Variants in ZNF346 observed in about 807,000 individuals in gnomAD.
ZNF346 encodes zinc finger protein 346, also known as double-stranded RNA-binding zinc finger protein JAZ.
In ZNF346, 23 loss-of-function variants were observed where a neutral mutation model predicts 33.7. The observed-to-expected ratio is 0.68, with a 90% CI of 0.49 to 0.97. ZNF346 has a LOEUF of 0.97. Among genes scored for constraint, ZNF346 ranks in the 50% least tolerant of loss-of-function variants. The pLI is 0.00. For synonymous variants in ZNF346, 134 were observed against 142.4 expected (o/e 0.94, Z 0.42); for missense variants, 340 against 371.1 (o/e 0.92, Z 0.69).
In ZNF346 at chr5:177,066,094, G is replaced by C. The variant is rs1286225030; in HGVS notation, c.*1495G>C. On this transcript the variant is annotated 3_prime_UTR_variant, in exon 7 of 7. Transcript: ENST00000358149. ...GTCCCCAGTAGTCACTTTAGGAGTTGGGACAGAGTCGAGCACCCTGTGAAA... is the reference window on the plus strand; with the variant it reads ...GTCCCCAGTAGTCACTTTAGGAGTTCGGACAGAGTCGAGCACCCTGTGAAA... 6.7e-6 allele frequency: 1 copy of C among 148,198 alleles called. No homozygotes were observed. Among genetic ancestry groups the C allele is most frequent in the Non-Finnish European group, 1.5e-5 (1 of 67,334 alleles). 9.2% of individuals were successfully genotyped at this position (148,198 alleles called of 1,614,324 possible).
chr5:177,075,310 G>A (rs1011186818), intron 8 of ZNF346, among the ~76,000 whole-genome samples: 37 of 152,054 alleles, frequency 2.4e-4, no homozygotes, highest in African/African-American at 8.9e-4. Context: ...GGCTGAGGCG[G>A]GAAAATGGCT....
chr5:177,044,461 G>A lies in ZNF346; in HGVS notation c.445G>A (p.Ala149Thr). ...CNMTFSSPVVAQSHYLGKTHA... is the reference protein window; with the variant it reads ...CNMTFSSPVVTQSHYLGKTHA... Reference sequence around the variant, plus strand: ...CATGACCTTTTCCTCCCCTGTCGTGGCCCAGTCGCACTACCTGGGGAAGAC... The same window carrying A: ...CATGACCTTTTCCTCCCCTGTCGTGACCCAGTCGCACTACCTGGGGAAGAC... The change falls in exon 4 of 7, where the codon GCC becomes ACC. Residue 149 changes from alanine to threonine, a missense_variant. Ala to Thr is a moderately conservative substitution (Grantham distance 58). Coordinates refer to ENST00000358149, the MANE Select transcript of ZNF346 (RefSeq NM_012279.4). 6.2e-7 allele frequency: 1 copy of A among 1,613,996 alleles called. No homozygotes were observed. The highest frequency in any genetic ancestry group is 8.5e-7 in the Non-Finnish European group (1 of 1,179,984).
chr5:177,079,543 A>ACGTC (rs1441018998), exon 9 of ZNF346: 2 of 152,168 alleles, frequency 1.3e-5, no homozygotes, highest in Non-Finnish European at 2.9e-5. Flanking sequence ...AACCTGGAGA[A>ACGTC]CGGACGAGTC....
At chr5:177,027,305 T>C (rs1195800640) in intron 1 of ZNF346, among the ~76,000 whole-genome samples, 1 of 152,088 alleles carries the variant, frequency 6.6e-6, no homozygotes, top group African/African-American at 2.4e-5. Flanking sequence ...CGCCTCAGCC[T>C]CCCAAAGTGC....
At chr5:177,037,568 C>T (rs541058892) in intron 1 of ZNF346, among the ~76,000 whole-genome samples, 2 of 152,286 alleles carry the variant, frequency 1.3e-5, no homozygotes, top group East Asian at 1.9e-4. Flanking sequence ...TCCTTCACTC[C>T]CACCCCCACA....
chr5:177,042,043 TA>T (rs1779408019), intron 3 of ZNF346, 173 bp downstream of exon 3: 1 of 518,128 alleles, frequency 1.9e-6, no homozygotes, highest in African/African-American at 1.9e-5. Flanking sequence ...ATGAGGATGG[TA>T]ATATCAACTA....
intron 5 of ZNF346, among the ~76,000 whole-genome samples, chr5:177,061,118 A>G (rs538357464): frequency 1.4e-5 from 2 of 147,848 alleles, no homozygotes; most frequent in Non-Finnish European, 3.0e-5. Flanking sequence ...TCAAAAAAAA[A>G]CAAGTTGCGG....
chr5:177,070,487 T>C (rs1305506221), downstream of ZNF346, among the ~76,000 whole-genome samples: 1 of 151,712 alleles, frequency 6.6e-6, no homozygotes, highest in Non-Finnish European at 1.5e-5. Context: ...TGGCGAAAAC[T>C]CAGGTTCTGG....
intron 1 of ZNF346, among the ~76,000 whole-genome samples, chr5:177,025,556 C>T (rs1046517966): frequency 1.3e-5 from 2 of 152,136 alleles, no homozygotes; most frequent in African/African-American, 4.8e-5. Context: ...ACCTTGACAA[C>T]ACTTGTCTTT....
chr5:177,061,431 G>A (rs1463966639), intron 5 of ZNF346, among the ~76,000 whole-genome samples: 6 of 152,140 alleles, frequency 3.9e-5, no homozygotes, highest in African/African-American at 9.7e-5. Context: ...GCCACAGAGC[G>A]AGACTCCGTC....
intron 1 of ZNF346, among the ~76,000 whole-genome samples, chr5:177,032,675 T>A (rs1777900054): frequency 2.6e-5 from 4 of 152,176 alleles, no homozygotes. Context: ...CCTCCCAAAA[T>A]GCTGACATTA....
chr5:177,049,548 C>G (rs894661961), intron 4 of ZNF346, among the ~76,000 whole-genome samples: 12 of 152,220 alleles, frequency 7.9e-5, no homozygotes, highest in African/African-American at 2.9e-4. Flanking sequence ...TATGCCTATA[C>G]CAGGCTCTGA....
In ZNF346 at chr5:177,027,062, C is replaced by G. The variant is rs1776889168; in HGVS notation, c.175+4149C>G. ...GGATTCTTTAGATAAAAGTTATCTT[C>G]TTTTTTTTCAGACAGAGACTCACTC... On this transcript the variant is annotated intron_variant, in intron 1 of 6. Transcript: ENST00000358149. 2.6e-5 allele frequency among the ~76,000 whole-genome samples: 4 copies of G among 151,872 alleles called. No individual in the cohort carries two copies. The South Asian group carries it at 6.3e-4, about 24-fold the overall frequency.
intron 1 of ZNF346, among the ~76,000 whole-genome samples, chr5:177,031,824 C>T (rs1777740375): frequency 6.6e-6 from 1 of 151,950 alleles, no homozygotes; most frequent in South Asian, 2.1e-4. Context: ...TCAGCTATTT[C>T]TATTGCTGTA....
At chr5:177,027,331 G>A (rs1322294520) in intron 1 of ZNF346, among the ~76,000 whole-genome samples, 2 of 152,208 alleles carry the variant, frequency 1.3e-5, no homozygotes, top group Admixed American at 6.5e-5. Flanking sequence ...TTACAGGGGT[G>A]AGCCATCACG....
At chr5:177,023,027 C>T (rs533298382) in intron 1 of ZNF346, 114 bp downstream of exon 1, 2 of 1,434,802 alleles carry the variant, frequency 1.4e-6, no homozygotes, top group Admixed American at 2.3e-5. Flanking sequence ...TGCTGCGCCC[C>T]GGGACCCCCA....
intron 1 of ZNF346, among the ~76,000 whole-genome samples, chr5:177,040,409 A>G (rs927084249): frequency 1.3e-5 from 2 of 151,990 alleles, no homozygotes; most frequent in Admixed American, 1.3e-4. Flanking sequence ...TAGTGGCACA[A>G]CCTCAGCTCA....
At position 177,067,837 on chromosome 5, in the gene ZNF346, G is replaced by T. The variant is rs1449209710; in HGVS notation, c.*3238G>T. ...ATAGAGAAGGAGGCCAGGCAGGGTG[G>T]CTCACATCTGTAATCCCAGCACTTT... On this transcript the variant is annotated 3_prime_UTR_variant, in exon 7 of 7. Coordinates refer to ENST00000358149, the MANE Select transcript of ZNF346 (RefSeq NM_012279.4). 6.6e-6 allele frequency among the ~76,000 whole-genome samples: 1 copy of T among 152,118 alleles called. No individual in the cohort carries two copies. The highest frequency in any genetic ancestry group is 1.5e-5 in the Non-Finnish European group (1 of 68,028).
chr5:177,032,440 C>T (rs1158619788), intron 1 of ZNF346, among the ~76,000 whole-genome samples: 1 of 150,820 alleles, frequency 6.6e-6, no homozygotes, highest in Non-Finnish European at 1.5e-5. Flanking sequence ...GACAGAGTTT[C>T]GCCCTTGTCA....
Sources: gnomAD v4.1 joint callset for allele counts (sites outside exome capture counted in the v4.1 genomes callset) on GRCh38, gnomAD v4.1.1 for gene constraint, MANE v1.5 for transcripts, NCBI Gene and HGNC (gene_info 2026-07-23, HGNC 2026-07-21) for gene names.